The following PLEKHG3 variants were observed in gnomAD, a reference collection of about 807,000 sequenced individuals.
PLEKHG3 encodes pleckstrin homology and RhoGEF domain containing G3.
PLEKHG3 carries 62 observed loss-of-function variants against 94.9 expected under a neutral mutation model. The ratio of observed to expected loss-of-function variants is 0.65; its 90% CI spans 0.53 to 0.81. The LOEUF (loss-of-function observed/expected upper bound fraction) is 0.81. PLEKHG3 is among the 30% of genes least tolerant of loss of function. The pLI is 0.00. For synonymous variants in PLEKHG3, 614 were observed against 654.0 expected, an observed-to-expected ratio of 0.94 and a Z score of 0.93; for missense variants, 1,461 against 1,619.3, an observed-to-expected ratio of 0.90 and a Z score of 1.68.
rs986712111 is a variant in PLEKHG3 at position 64,746,322 on chromosome 14, T to A, written c.*2619T>A. On this transcript the variant is annotated 3_prime_UTR_variant, in exon 17 of 17. Coordinates refer to ENST00000247226, the MANE Select transcript of PLEKHG3 (RefSeq NM_001308147.2). This position sits in a 1 kb window ranked among gnomAD's most constrained non-coding sequence, Gnocchi z 4.9. ...TTTATTAGAAAAACTAGTAAATGGGTTTCCTCTGGTTGGTGGAAGCACGGT... is the reference window on the plus strand; with the variant it reads ...TTTATTAGAAAAACTAGTAAATGGGATTCCTCTGGTTGGTGGAAGCACGGT... 3.9e-5 allele frequency: 6 copies of A among 152,426 alleles called. No homozygotes were observed. The highest frequency in any genetic ancestry group is 1.4e-4 in the African/African-American group (6 of 41,424). 9.4% of individuals were successfully genotyped at this position (152,426 alleles called of 1,614,324 possible).
chr14:64,749,665 C>A lies in PLEKHG3; in HGVS notation c.*5962C>A. The A allele has an allele frequency of 6.2e-7, 1 of 1,613,834 alleles. No homozygotes were observed. Among genetic ancestry groups the A allele is most frequent in the Non-Finnish European group, 8.5e-7 (1 of 1,179,958 alleles). ...CTGCCCGCGCTTACCTCATCCTTGC[C>A]ATGGAAGAGCCACTCGCTGCCATTA... On this transcript the variant is annotated 3_prime_UTR_variant, in exon 17 of 17. Coordinates refer to ENST00000247226, the MANE Select transcript of PLEKHG3 (RefSeq NM_001308147.2). This position sits in a 1 kb window ranked among gnomAD's most constrained non-coding sequence, Gnocchi z 4.7.
intron 1 of PLEKHG3, among the ~76,000 whole-genome samples, chr14:64,710,067 T>C (rs2081043023): frequency 6.6e-6 from 1 of 152,200 alleles, no homozygotes; most frequent in Non-Finnish European, 1.5e-5. Context: ...CATTGGGACC[T>C]GTCTTCCAAA....
Position 64,722,032 on chromosome 14 carries a change from A to G in PLEKHG3, c.-39-5561A>G, listed in dbSNP as rs2139372764. On this transcript the variant is annotated intron_variant, in intron 1 of 16. Transcript: ENST00000247226. This position sits in a 1 kb window ranked among gnomAD's most constrained non-coding sequence, Gnocchi z 4.3. ...CTTTTCTCTATTGCTTCCTTCTGGC[A>G]CCCTTTTTGAAGGGATTCCGAAAGT... Among the ~76,000 whole-genome samples, 1 of 152,190 alleles carries G rather than the reference A, an allele frequency of 6.6e-6. No homozygotes were observed. Among genetic ancestry groups the G allele is most frequent in the Admixed American group, 6.5e-5 (1 of 15,288 alleles).
At position 64,750,171 on chromosome 14, in the gene PLEKHG3, A is replaced by T. The variant is rs1453306229; in HGVS notation, c.*6468A>T. On this transcript the variant is annotated 3_prime_UTR_variant, in exon 17 of 17. Coordinates refer to ENST00000247226, the MANE Select transcript of PLEKHG3 (RefSeq NM_001308147.2). ...TTCCAGGACCTGCAAAGATGCAGAC[A>T]GGCAGGTCACCCACATCCTGATATG... The T allele has an allele frequency of 1.2e-6, 2 of 1,608,764 alleles. No homozygotes were observed. The highest frequency in any genetic ancestry group is 1.7e-6 in the Non-Finnish European group (2 of 1,175,594).
chr14:64,741,244 G>A lies in PLEKHG3; in HGVS notation c.1727G>A (p.Ser576Asn), dbSNP rs2081683481. 4 of 1,613,938 alleles carry A rather than the reference G, an allele frequency of 2.5e-6. No individual in the cohort carries two copies. The highest frequency in any genetic ancestry group is 3.4e-6 in the Non-Finnish European group (4 of 1,180,020). ...AGCACTGAGGACCTTAAGGCCCTGA[G>A]CAGCGAGGAGGAAGAAGAAATGGGA... ...AESTEDLKAL[S>N]SEEEEEMGGA... The change falls in exon 16 of 17, where the codon AGC becomes AAC. Residue 576 changes from serine (S) to asparagine (N), a missense_variant. Coordinates refer to ENST00000247226, the MANE Select transcript of PLEKHG3 (RefSeq NM_001308147.2).
Position 64,716,146 on chromosome 14 carries a change from C to G in PLEKHG3, c.-40+11442C>G. 1 of 433,662 alleles carries G rather than the reference C, an allele frequency of 2.3e-6. No homozygotes were observed. The highest frequency in any genetic ancestry group is 1.6e-5 in the South Asian group (1 of 61,898). 26.9% of individuals were successfully genotyped at this position (433,662 alleles called of 1,614,324 possible). A position where few individuals can be genotyped will look rare whatever the true frequency, so the allele number is the denominator to read the frequency against. On this transcript the variant is annotated intron_variant, in intron 1 of 16. Coordinates refer to ENST00000247226, the MANE Select transcript of PLEKHG3 (RefSeq NM_001308147.2). This position sits in a 1 kb window ranked among gnomAD's most constrained non-coding sequence, Gnocchi z 5.0. The stretch of plus-strand genomic sequence containing the variant: ...GGATGGGAATGGGGTGGGATGGGGA[C>G]TCTTTCAACTCCGGGCCTCTAAGCC...
rs201133464 is a variant in PLEKHG3, at chr14:64,749,286, G to A, written c.*5583G>A. ...GGTCTCTGCGCGTCCCGACTCCGCC[G>A]CGCCCGCCAGCCCCACCTGCTACTT... On this transcript the variant is annotated 3_prime_UTR_variant, in exon 17 of 17. Coordinates refer to ENST00000247226, the MANE Select transcript of PLEKHG3 (RefSeq NM_001308147.2). This position sits in a 1 kb window ranked among gnomAD's most constrained non-coding sequence, Gnocchi z 4.7. 2.6e-4 allele frequency: 414 copies of A among 1,563,288 alleles called. No individual in the cohort carries two copies. The African/African-American group carries it at 4.5e-3, about 17-fold the overall frequency.
chr14:64,724,957 C>T (rs984452592), intron 1 of PLEKHG3, among the ~76,000 whole-genome samples: 2 of 152,318 alleles, frequency 1.3e-5, no homozygotes, highest in East Asian at 1.9e-4. Flanking sequence ...ATATACAGAG[C>T]GCTCAGAGCA....
rs1297816731 is a variant in PLEKHG3 at position 64,746,329 on chromosome 14, T to C, written c.*2626T>C. On this transcript the variant is annotated 3_prime_UTR_variant, in exon 17 of 17. Coordinates refer to ENST00000247226, the MANE Select transcript of PLEKHG3 (RefSeq NM_001308147.2). The surrounding 1 kb of genome is among the most constrained non-coding windows in gnomAD (Gnocchi z 4.9). Reference sequence around the variant, plus strand: ...GAAAAACTAGTAAATGGGTTTCCTCTGGTTGGTGGAAGCACGGTTGAGCAG... The same window carrying C: ...GAAAAACTAGTAAATGGGTTTCCTCCGGTTGGTGGAAGCACGGTTGAGCAG... 6.6e-6 allele frequency: 1 copy of C among 152,506 alleles called. No individual in the cohort carries two copies. Among genetic ancestry groups the C allele is most frequent in the East Asian group, 1.9e-4 (1 of 5,196 alleles). 9.4% of individuals were successfully genotyped at this position (152,506 alleles called of 1,614,324 possible). A position where few individuals can be genotyped will look rare whatever the true frequency, so the allele number is the denominator to read the frequency against.
chr14:64,729,126 T>A, intron 3 of PLEKHG3, 33 bp downstream of exon 3: 1 of 1,027,060 alleles, frequency 9.7e-7, no homozygotes, highest in Non-Finnish European at 1.5e-6. Context: ...CACCATGTTC[T>A]GCCTGCGAGG....
At chr14:64,737,839 A>C in intron 14 of PLEKHG3, 1 of 1,147,430 alleles carries the variant, frequency 8.7e-7, no homozygotes, top group East Asian at 7.5e-5. Flanking sequence ...GCTGGTCACG[A>C]GGGGGTCTTG....
At chr14:64,713,399 A>G (rs1303466137) in intron 1 of PLEKHG3, among the ~76,000 whole-genome samples, 5 of 152,106 alleles carry the variant, frequency 3.3e-5, no homozygotes, top group Admixed American at 2.0e-4. Context: ...TGTTTGGTAG[A>G]CTTCACCAGG....
At position 64,727,607 on chromosome 14, in the gene PLEKHG3, G is replaced by A. The variant is rs999312372; in HGVS notation, c.-25G>A. On this transcript the variant is annotated 5_prime_UTR_variant, in exon 2 of 17. Coordinates refer to ENST00000247226, the MANE Select transcript of PLEKHG3 (RefSeq NM_001308147.2). The surrounding 1 kb of genome is among the most constrained non-coding windows in gnomAD (Gnocchi z 6.0). Reference sequence around the variant, plus strand: ...TCTTGTTGCAGAATCTCCCTGGGGTGCCCTCCCCAGGCAGCAATGCCAGGA... The same window carrying A: ...TCTTGTTGCAGAATCTCCCTGGGGTACCCTCCCCAGGCAGCAATGCCAGGA... 8.6e-6 allele frequency: 12 copies of A among 1,391,234 alleles called. No individual in the cohort carries two copies. The highest frequency in any genetic ancestry group is 1.1e-5 in the Non-Finnish European group (11 of 981,130). The allele number at this position is 1,391,234 out of a possible 1,614,324, so 86.2% of individuals were successfully genotyped here. A position where few individuals can be genotyped will look rare whatever the true frequency, so the allele number is the denominator to read the frequency against.
chr14:64,705,745 C>T (rs932464705), intron 1 of PLEKHG3, among the ~76,000 whole-genome samples: 1 of 152,230 alleles, frequency 6.6e-6, no homozygotes, highest in Admixed American at 6.5e-5. Context: ...ACCTCGCCTT[C>T]AGCAGTGTGG....
rs888253637 is a variant in PLEKHG3 at position 64,731,863 on chromosome 14, G to A, written c.1125+57G>A. On this transcript the variant is annotated intron_variant, in intron 9 of 16. Transcript: ENST00000247226. The surrounding 1 kb of genome is among the most constrained non-coding windows in gnomAD (Gnocchi z 6.1). ...AACAAGATGCCCAGGGGACACCTGC[G>A]TGGGACTCCTGGCTCCTCTGCTCAC... The A allele has an allele frequency of 1.1e-5, 14 of 1,257,974 alleles. No individual in the cohort carries two copies. Among genetic ancestry groups the A allele is most frequent in the South Asian group, 2.4e-5 (2 of 83,826 alleles). The allele number at this position is 1,257,974 out of a possible 1,614,324, so 77.9% of individuals were successfully genotyped here.
intron 1 of PLEKHG3, among the ~76,000 whole-genome samples, chr14:64,708,392 G>A (rs760125097): frequency 6.6e-5 from 10 of 152,162 alleles, no homozygotes; most frequent in Non-Finnish European, 1.2e-4. Context: ...CCTGGAGGTC[G>A]GAAGCGGAGT....
chr14:64,713,217 T>G (rs2139362046), intron 1 of PLEKHG3, among the ~76,000 whole-genome samples: 1 of 152,352 alleles, frequency 6.6e-6, no homozygotes, highest in Non-Finnish European at 1.5e-5. Flanking sequence ...GTTGAGGATT[T>G]TTGTGTCTAT....
chr14:64,728,962 G>A lies in PLEKHG3; in HGVS notation c.352-34G>A, dbSNP rs764040044. On this transcript the variant is annotated intron_variant, in intron 2 of 16. Coordinates refer to ENST00000247226, the MANE Select transcript of PLEKHG3 (RefSeq NM_001308147.2). The surrounding 1 kb of genome is among the most constrained non-coding windows in gnomAD (Gnocchi z 5.9). ...GGAAGGTAGTGGGCAGGGTTGTGCC[G>A]GGGGCTAGGTTCTGACCACCTCCCT... The A allele has an allele frequency of 8.5e-5, 72 of 851,006 alleles. No individual in the cohort carries two copies. The highest frequency in any genetic ancestry group is 1.1e-4 in the Non-Finnish European group (57 of 528,370). 52.7% of individuals were successfully genotyped at this position (851,006 alleles called of 1,614,324 possible).
chr14:64,732,090 C>T lies in PLEKHG3; in HGVS notation c.1126-5C>T, dbSNP rs772382939. The T allele has an allele frequency of 1.7e-5, 28 of 1,611,318 alleles. No individual in the cohort carries two copies. The highest frequency in any genetic ancestry group is 2.3e-5 in the Non-Finnish European group (27 of 1,177,622). ...ACTGGGTCCCTTTCCCTTGGGTCCT[C>T]CCAGGCCAAGACAGTGGAGGAGAAA... On this transcript the variant is annotated splice_polypyrimidine_tract_variant and splice_region_variant and intron_variant, in intron 9 of 16. Coordinates refer to ENST00000247226, the MANE Select transcript of PLEKHG3 (RefSeq NM_001308147.2). The surrounding 1 kb of genome is among the most constrained non-coding windows in gnomAD (Gnocchi z 4.9).
Sources: allele counts gnomAD v4.1 joint callset (sites outside exome capture counted in the v4.1 genomes callset), GRCh38; gene constraint gnomAD v4.1.1; non-coding constraint Gnocchi (gnomAD v3.1); transcripts MANE v1.5; gene names NCBI Gene and HGNC (gene_info 2026-07-23, HGNC 2026-07-21).